The following CTNNA2 variants were observed in gnomAD, a reference collection of about 807,000 sequenced individuals.
CTNNA2 encodes catenin alpha 2.
A neutral mutation model predicts 101.0 loss-of-function variants in CTNNA2; 42 were observed. The observed-to-expected ratio is 0.42, with a 90% CI of 0.32 to 0.54. The LOEUF is 0.54. Among genes scored for constraint, CTNNA2 ranks in the 20% least tolerant of loss-of-function variants. The pLI is 0.14. For synonymous variants in CTNNA2, 450 were observed against 456.4 expected, an observed-to-expected ratio of 0.99 and a Z score of 0.18; for missense variants, 871 against 1,223.1, an observed-to-expected ratio of 0.71 and a Z score of 4.29.
At chr2:79,653,369 A>G (rs1447097939) in intron 2 of CTNNA2, among the ~76,000 whole-genome samples, 4 of 152,134 alleles carry the variant, frequency 2.6e-5, no homozygotes, top group African/African-American at 9.7e-5. Flanking sequence ...TGGTGTTACC[A>G]CCGTTGTAGG....
intron 1 of CTNNA2, among the ~76,000 whole-genome samples, chr2:79,541,349 A>G (rs1043392474): frequency 2.7e-5 from 4 of 150,422 alleles, no homozygotes; most frequent in South Asian, 2.1e-4. Context: ...ATATATACAC[A>G]CACACAATGT....
intron 4 of CTNNA2, among the ~76,000 whole-genome samples, chr2:79,438,329 C>T (rs1158471125): frequency 6.6e-6 from 1 of 152,124 alleles, no homozygotes; most frequent in Non-Finnish European, 1.5e-5. Flanking sequence ...AGAAATGGCC[C>T]ACCTGGAACG....
chr2:80,069,441 T>C (rs1698186209), intron 7 of CTNNA2, among the ~76,000 whole-genome samples: 2 of 152,212 alleles, frequency 1.3e-5, no homozygotes, highest in South Asian at 2.1e-4. Flanking sequence ...TTTTAAATCA[T>C]ACTTTATCTC....
chr2:80,376,592 T>C (rs1299439270), intron 7 of CTNNA2, among the ~76,000 whole-genome samples: 2 of 152,192 alleles, frequency 1.3e-5, no homozygotes, highest in Non-Finnish European at 2.9e-5. Flanking sequence ...CATTAAAGAA[T>C]GATAGATAGA....
chr2:79,455,763 A>T (rs961044631), intron 4 of CTNNA2, among the ~76,000 whole-genome samples: 1 of 152,188 alleles, frequency 6.6e-6, no homozygotes, highest in Non-Finnish European at 1.5e-5. Flanking sequence ...GGCCCATAAG[A>T]TACACAAGAT....
chr2:79,604,311 A>C lies in CTNNA2; in HGVS notation c.-5-47241A>C, dbSNP rs191962002. 1.3e-3 allele frequency among the ~76,000 whole-genome samples: 199 copies of C among 152,338 alleles called. 2 individuals carry two copies. The highest frequency in any genetic ancestry group is 4.4e-3 in the African/African-American group (183 of 41,578). ...AGGCCAGATTTAACCCTGTCTGAAA[A>C]TATATGAAATCATGTTTTTTAAGGC... is the stretch of plus-strand genomic sequence containing the variant. On this transcript the variant is annotated intron_variant, in intron 1 of 18. Transcript: ENST00000402739.
intron 3 of CTNNA2, among the ~76,000 whole-genome samples, chr2:79,351,292 A>G (rs1369394468): frequency 6.6e-6 from 1 of 152,170 alleles, no homozygotes; most frequent in African/African-American, 2.4e-5. Context: ...AGCTATAGTT[A>G]CATATAATCT....
chr2:79,189,142 A>G (rs1673819785), intron 1 of CTNNA2, among the ~76,000 whole-genome samples: 1 of 152,208 alleles, frequency 6.6e-6, no homozygotes, highest in Non-Finnish European at 1.5e-5. Context: ...CTACTCAATA[A>G]AGGAATAAAG....
chr2:80,188,944 C>CTTTTTTT (rs34090029), intron 7 of CTNNA2, among the ~76,000 whole-genome samples: 2 of 74,686 alleles, frequency 2.7e-5, no homozygotes, highest in African/African-American at 6.1e-5. Flanking sequence ...CAGGTGGTCA[C>CTTTTTTT]TTTTTTTTTT....
intron 2 of CTNNA2, among the ~76,000 whole-genome samples, chr2:79,308,726 A>G (rs574270133): frequency 3.3e-4 from 49 of 150,264 alleles, no homozygotes; most frequent in African/African-American, 1.0e-3. Flanking sequence ...GCATATGGAT[A>G]ACCAGTTACC....
chr2:79,209,098 T>C (rs1485604035), intron 2 of CTNNA2, among the ~76,000 whole-genome samples: 1 of 152,274 alleles, frequency 6.6e-6, no homozygotes, highest in African/African-American at 2.4e-5. Flanking sequence ...GGAAGACGGC[T>C]TGAGTCCAGG....
intron 3 of CTNNA2, among the ~76,000 whole-genome samples, chr2:79,753,187 C>T (rs1451505975): frequency 1.3e-5 from 2 of 152,162 alleles, no homozygotes; most frequent in Admixed American, 6.5e-5. Flanking sequence ...TTACTCCTTT[C>T]ATGGATGCTG....
chr2:80,439,754 A>G (rs1160120260), intron 9 of CTNNA2, among the ~76,000 whole-genome samples: 1 of 152,104 alleles, frequency 6.6e-6, no homozygotes, highest in Admixed American at 6.5e-5. Context: ...ATATTATTTG[A>G]AAACACTTTC....
chr2:80,414,713 AG>A (rs1430073746), intron 8 of CTNNA2, among the ~76,000 whole-genome samples: 2 of 152,220 alleles, frequency 1.3e-5, no homozygotes, highest in African/African-American at 2.4e-5. Context: ...ACAAAGACAC[AG>A]GGTGCCTTAA....
intron 7 of CTNNA2, among the ~76,000 whole-genome samples, chr2:80,280,013 G>T (rs75898148): frequency 9.9e-5 from 15 of 151,956 alleles, no homozygotes; most frequent in African/African-American, 3.1e-4. Flanking sequence ...CAGTGCTGTT[G>T]TAAGAAGGAA....
intron 7 of CTNNA2, among the ~76,000 whole-genome samples, chr2:79,987,710 C>T (rs186316425): frequency 7.2e-4 from 109 of 152,236 alleles, no homozygotes; most frequent in Non-Finnish European, 1.4e-3. Flanking sequence ...TTTTATGAAG[C>T]ATTCTCTCTG....
intron 7 of CTNNA2, among the ~76,000 whole-genome samples, chr2:80,092,373 A>G (rs974937925): frequency 6.6e-6 from 1 of 152,138 alleles, no homozygotes; most frequent in Non-Finnish European, 1.5e-5. Context: ...ATTCAGTAGA[A>G]AAAAACAGGC....
intron 7 of CTNNA2, among the ~76,000 whole-genome samples, chr2:80,247,439 C>T (rs1462350106): frequency 1.3e-5 from 2 of 152,154 alleles, no homozygotes; most frequent in Admixed American, 6.5e-5. Flanking sequence ...TTATTCCAGA[C>T]CTCCTGTGTG....
chr2:79,260,411 A>C (rs1674905232), intron 2 of CTNNA2, among the ~76,000 whole-genome samples: 1 of 152,122 alleles, frequency 6.6e-6, no homozygotes, highest in Non-Finnish European at 1.5e-5. Context: ...ATGTCTCCTT[A>C]CCTCAGGAGC....
Sources: gnomAD v4.1 joint callset for allele counts (sites outside exome capture counted in the v4.1 genomes callset) on GRCh38, gnomAD v4.1.1 for gene constraint, MANE v1.5 for transcripts, NCBI Gene and HGNC (gene_info 2026-07-23, HGNC 2026-07-21) for gene names.